The following ADCY2 variants were observed in gnomAD, a reference collection of about 807,000 sequenced individuals.
ADCY2 encodes the protein adenylate cyclase 2, also known as adenylate cyclase type 2.
Under a neutral mutation model 125.2 loss-of-function variants are expected in ADCY2, and 31 were observed. The ratio of observed to expected loss-of-function variants is 0.25; its 90% confidence interval spans 0.19 to 0.33. ADCY2 has a LOEUF of 0.33. Among genes scored for constraint, ADCY2 ranks in the 10% least tolerant of loss-of-function variants. The pLI, the probability that ADCY2 is intolerant of heterozygous loss-of-function variation, is 1.00. For missense variants in ADCY2, 904 were observed against 1,418.2 expected (o/e 0.64, Z 5.82); for synonymous variants, 512 against 548.4 (o/e 0.93, Z 0.93).
intron 22 of ADCY2, among the ~76,000 whole-genome samples, chr5:7,809,731 G>A (rs1744874082): frequency 6.6e-6 from 1 of 152,230 alleles, no homozygotes; most frequent in Admixed American, 6.5e-5. Context: ...GTGCACAGAA[G>A]TATATCAGCA....
At chr5:7,576,994 A>G (rs1279582164) in intron 3 of ADCY2, among the ~76,000 whole-genome samples, 1 of 152,246 alleles carries the variant, frequency 6.6e-6, no homozygotes, top group Non-Finnish European at 1.5e-5. Context: ...CTTAATGTAT[A>G]TCTTAATTAA....
chr5:7,664,660 ACC>A (rs1469779887), intron 4 of ADCY2, among the ~76,000 whole-genome samples: 3 of 152,224 alleles, frequency 2.0e-5, no homozygotes, highest in Non-Finnish European at 4.4e-5. Flanking sequence ...TCCTTGCTAT[ACC>A]TTGAAATTGC....
chr5:7,594,614 T>G (rs1736949240), intron 3 of ADCY2, among the ~76,000 whole-genome samples: 1 of 152,198 alleles, frequency 6.6e-6, no homozygotes, highest in Admixed American at 6.5e-5. Flanking sequence ...ATTAATGAGT[T>G]TATGCATTTG....
Position 7,772,981 on chromosome 5 carries a change from T to G in ADCY2, c.2264T>G (p.Leu755Arg). Residue 755 changes from leucine (L) to arginine (R), a missense_variant, in exon 18 of 25, where the codon CTG (leucine) becomes CGG (arginine). Leu to Arg is a moderately radical substitution (Grantham distance 102). This residue lies in a region of ADCY2 where 221 missense variants were observed against 246.2 expected (regional missense o/e 0.90). Transcript: ENST00000338316. ...GGACTGATATCCTGTTCCGTGTTCCTGCGGGTAAACTATGAGCTGAAGATG... is the reference window on the plus strand; with the variant it reads ...GGACTGATATCCTGTTCCGTGTTCCGGCGGGTAAACTATGAGCTGAAGATG... ...ILGLISCSVF[L>R]RVNYELKMLI... The G allele has an allele frequency of 6.2e-7, 1 of 1,614,224 alleles. No individual in the cohort carries two copies. Among genetic ancestry groups the G allele is most frequent in the Non-Finnish European group, 8.5e-7 (1 of 1,180,030 alleles).
At chr5:7,617,684 T>C (rs1408228120) in intron 3 of ADCY2, among the ~76,000 whole-genome samples, 1 of 152,186 alleles carries the variant, frequency 6.6e-6, no homozygotes, top group Non-Finnish European at 1.5e-5. Context: ...CAGAGTATGG[T>C]GCCAATGAGT....
intron 3 of ADCY2, among the ~76,000 whole-genome samples, chr5:7,566,658 G>C (rs1735902839): frequency 6.6e-6 from 1 of 152,144 alleles, no homozygotes; most frequent in Non-Finnish European, 1.5e-5. Context: ...TTGGTGTCAT[G>C]AGATGGCATG....
chr5:7,816,759 A>G (rs1745124748), intron 22 of ADCY2, 107 bp from the exon 23 acceptor site: 2 of 803,042 alleles, frequency 2.5e-6, no homozygotes, highest in Non-Finnish European at 4.3e-6. Flanking sequence ...GTAGCATTAG[A>G]ATTTGCCTGC....
At chr5:7,538,378 G>T (rs532558549) in intron 3 of ADCY2, among the ~76,000 whole-genome samples, 1 of 152,142 alleles carries the variant, frequency 6.6e-6, no homozygotes, top group African/African-American at 2.4e-5. Flanking sequence ...AATGGAATAC[G>T]ACTGAGGATT....
At chr5:7,476,729 A>G (rs569974436) in intron 2 of ADCY2, among the ~76,000 whole-genome samples, 1 of 152,318 alleles carries the variant, frequency 6.6e-6, no homozygotes, top group Admixed American at 6.5e-5. Context: ...TCAACAGCAA[A>G]TGGATGATCT....
chr5:7,542,933 A>G (rs1735039286), intron 3 of ADCY2, among the ~76,000 whole-genome samples: 1 of 152,230 alleles, frequency 6.6e-6, no homozygotes, highest in Non-Finnish European at 1.5e-5. Flanking sequence ...CTAGACAAAG[A>G]CAGTAACAAA....
intron 21 of ADCY2, among the ~76,000 whole-genome samples, chr5:7,803,901 A>AAT (rs145541724): frequency 2.4e-4 from 35 of 143,682 alleles, no homozygotes; most frequent in South Asian, 4.2e-4. Flanking sequence ...CTCTGTCTCG[A>AAT]ATATATATAT....
intron 24 of ADCY2, among the ~76,000 whole-genome samples, chr5:7,822,224 A>G (rs1745323684): frequency 6.6e-6 from 1 of 152,224 alleles, no homozygotes; most frequent in Non-Finnish European, 1.5e-5. Flanking sequence ...TGTAACTTTA[A>G]ATATATTTAT....
intron 14 of ADCY2, among the ~76,000 whole-genome samples, chr5:7,732,195 G>A (rs902922168): frequency 6.6e-6 from 1 of 152,088 alleles, no homozygotes; most frequent in African/African-American, 2.4e-5. Flanking sequence ...AGTGAATTTG[G>A]GTCAACACCT....
intron 16 of ADCY2, among the ~76,000 whole-genome samples, 185 bp downstream of exon 16, chr5:7,757,771 A>T (rs1743062856): frequency 1.3e-5 from 2 of 151,990 alleles, no homozygotes; most frequent in South Asian, 4.2e-4. Flanking sequence ...CCCTTCTGGG[A>T]CCTGTTCTGT....
In ADCY2 at chr5:7,826,735, G is replaced by A. The variant is rs1745493955; in HGVS notation, c.3140G>A (p.Ser1047Asn). The part of the protein sequence containing the change: ...LDKIQVTEET[S>N]LVLQTLGYTC... ...GCCTTCTAGGTTACCGAGGAGACGAGCCTCGTCCTGCAGACCCTCGGATAC... is the reference window on the plus strand; with the variant it reads ...GCCTTCTAGGTTACCGAGGAGACGAACCTCGTCCTGCAGACCCTCGGATAC... Residue 1047 changes from serine (S) to asparagine (N), a missense_variant, in exon 25 of 25, where the codon AGC becomes AAC. Ser to Asn is a conservative substitution (Grantham distance 46). This residue lies in a region of ADCY2 where 181 missense variants were observed against 381.6 expected (regional missense o/e 0.47). Coordinates refer to ENST00000338316, the MANE Select transcript of ADCY2 (RefSeq NM_020546.3). 6.2e-7 allele frequency: 1 copy of A among 1,613,952 alleles called. No homozygotes were observed. The highest frequency in any genetic ancestry group is 8.5e-7 in the Non-Finnish European group (1 of 1,179,994).
chr5:7,407,322 A>G (rs186274561), intron 1 of ADCY2, among the ~76,000 whole-genome samples: 130 of 152,362 alleles, frequency 8.5e-4, no homozygotes, highest in Admixed American at 7.6e-3. Context: ...TCACACTGCT[A>G]TAAAGAACGA....
At chr5:7,804,038 GAA>G (rs1744682157) in intron 21 of ADCY2, among the ~76,000 whole-genome samples, 1 of 131,474 alleles carries the variant, frequency 7.6e-6, no homozygotes, top group Admixed American at 8.1e-5. Context: ...ATGGAGGGGG[GAA>G]AGAGAGAGAG....
intron 3 of ADCY2, among the ~76,000 whole-genome samples, chr5:7,543,088 C>A (rs1412042593): frequency 6.6e-6 from 1 of 152,070 alleles, no homozygotes; most frequent in African/African-American, 2.4e-5. Flanking sequence ...ATTAATACAT[C>A]CTATGTTATA....
chr5:7,775,482 C>T (rs1208521441), intron 18 of ADCY2, among the ~76,000 whole-genome samples: 3 of 151,998 alleles, frequency 2.0e-5, no homozygotes, highest in African/African-American at 2.4e-5. Flanking sequence ...CCCCCACCTC[C>T]CAGGTTCAAG....
Sources: allele counts gnomAD v4.1 joint callset (sites outside exome capture counted in the v4.1 genomes callset), GRCh38; gene constraint gnomAD v4.1.1; regional missense constraint gnomAD v4.1.1; transcripts MANE v1.5; gene names NCBI Gene and HGNC (gene_info 2026-07-23, HGNC 2026-07-21).